Variants in PTPRG observed in about 807,000 individuals in gnomAD.
PTPRG encodes protein tyrosine phosphatase receptor type G, also known as receptor-type tyrosine-protein phosphatase gamma.
A neutral mutation model predicts 165.3 loss-of-function variants in PTPRG; 102 were observed. That is an observed-to-expected ratio of 0.62 (90% CI 0.53 to 0.73). PTPRG has a LOEUF of 0.73. PTPRG is among the 30% of genes least tolerant of loss of function. The pLI, the probability that PTPRG is intolerant of heterozygous loss-of-function variation, is 0.00. For missense variants in PTPRG, 1,866 were observed against 1,861.4 expected (o/e 1.00, Z -0.05); for synonymous variants, 675 against 669.5 (o/e 1.01, Z -0.13).
At chr3:61,691,070 A>C (rs890446120) in intron 1 of PTPRG, among the ~76,000 whole-genome samples, 1 of 152,004 alleles carries the variant, frequency 6.6e-6, no homozygotes, top group Non-Finnish European at 1.5e-5. Flanking sequence ...GTGTAAGTCT[A>C]TGTATATATG....
intron 1 of PTPRG, among the ~76,000 whole-genome samples, chr3:61,594,889 C>T (rs1431247563): frequency 6.6e-6 from 1 of 152,112 alleles, no homozygotes; most frequent in African/African-American, 2.4e-5. Context: ...ATAAAATTGG[C>T]CTGATCTAAG....
chr3:61,728,853 A>T (rs2106824574), intron 1 of PTPRG, among the ~76,000 whole-genome samples: 1 of 147,776 alleles, frequency 6.8e-6, no homozygotes, highest in South Asian at 2.2e-4. Flanking sequence ...TCTGCGCATC[A>T]CAGTGAGACC....
chr3:62,243,411 G>A (rs1701209410), intron 14 of PTPRG, among the ~76,000 whole-genome samples: 1 of 152,108 alleles, frequency 6.6e-6, no homozygotes, highest in Non-Finnish European at 1.5e-5. Context: ...GGGATATAAG[G>A]TGTGGTTTTG....
intron 2 of PTPRG, among the ~76,000 whole-genome samples, chr3:61,765,703 C>T (rs1465586031): frequency 6.6e-6 from 1 of 152,128 alleles, no homozygotes; most frequent in Non-Finnish European, 1.5e-5. Context: ...AGTGTCAGCA[C>T]CTTAATATTT....
intron 1 of PTPRG, among the ~76,000 whole-genome samples, chr3:61,622,392 G>A (rs1252132209): frequency 6.6e-6 from 1 of 151,890 alleles, no homozygotes; most frequent in Non-Finnish European, 1.5e-5. Flanking sequence ...AACAGAAGTT[G>A]GTACATTTCT....
chr3:62,226,659 T>C (rs537019197), intron 13 of PTPRG, among the ~76,000 whole-genome samples: 1 of 152,188 alleles, frequency 6.6e-6, no homozygotes, highest in Non-Finnish European at 1.5e-5. Flanking sequence ...TAACTGCAGA[T>C]TCTGGAACAG....
At chr3:61,976,258 C>T (rs2040503021) in intron 2 of PTPRG, among the ~76,000 whole-genome samples, 1 of 152,186 alleles carries the variant, frequency 6.6e-6, no homozygotes, top group Non-Finnish European at 1.5e-5. Flanking sequence ...AGAGTTCTAT[C>T]TTTAGCCCTG....
At chr3:62,019,723 A>G (rs753784218) in intron 4 of PTPRG, among the ~76,000 whole-genome samples, 2 of 152,138 alleles carry the variant, frequency 1.3e-5, no homozygotes, top group Non-Finnish European at 2.9e-5. Context: ...TCATTCCACA[A>G]TATATTTTGA....
intron 2 of PTPRG, among the ~76,000 whole-genome samples, chr3:61,945,702 A>G (rs1474669488): frequency 6.6e-6 from 1 of 152,184 alleles, no homozygotes; most frequent in Non-Finnish European, 1.5e-5. Flanking sequence ...GCAAACATAA[A>G]TATGTCATCT....
At chr3:62,034,418 C>G (rs916040266) in intron 4 of PTPRG, among the ~76,000 whole-genome samples, 20 of 152,174 alleles carry the variant, frequency 1.3e-4, no homozygotes, top group African/African-American at 4.8e-4. Context: ...TTGGGTCACT[C>G]AGCTAGTAAG....
intron 2 of PTPRG, among the ~76,000 whole-genome samples, chr3:61,835,444 C>G (rs1482842416): frequency 6.6e-6 from 1 of 152,110 alleles, no homozygotes; most frequent in Admixed American, 6.5e-5. Context: ...AGCGATTCTC[C>G]TGCCTCAGCC....
intron 2 of PTPRG, among the ~76,000 whole-genome samples, chr3:61,818,328 T>G (rs2035849228): frequency 6.6e-6 from 1 of 151,960 alleles, no homozygotes; most frequent in Non-Finnish European, 1.5e-5. Context: ...TTAGAGAAAC[T>G]CAGAAATGCC....
chr3:61,563,074 C>G (rs987092677), intron 1 of PTPRG, among the ~76,000 whole-genome samples: 38 of 151,716 alleles, frequency 2.5e-4, no homozygotes, highest in East Asian at 9.9e-4. Flanking sequence ...AGCCCCGGCC[C>G]GTGGCCCTTT....
intron 1 of PTPRG, among the ~76,000 whole-genome samples, chr3:61,600,697 G>A (rs1700839500): frequency 6.6e-6 from 1 of 151,972 alleles, no homozygotes; most frequent in African/African-American, 2.4e-5. Flanking sequence ...GCACTACCAT[G>A]CCTGGCTCAT....
chr3:61,887,159 TATATATA>T (rs2038070672), intron 2 of PTPRG, among the ~76,000 whole-genome samples: 1 of 91,002 alleles, frequency 1.1e-5, no homozygotes, highest in African/African-American at 3.2e-5. Flanking sequence ...TATATATATA[TATATATA>T]TATATTTTTA....
chr3:61,926,845 C>T (rs2039225929), intron 2 of PTPRG, among the ~76,000 whole-genome samples: 1 of 151,028 alleles, frequency 6.6e-6, no homozygotes, highest in Non-Finnish European at 1.5e-5. Flanking sequence ...TTTTTGCCTC[C>T]AGCAAGTTCT....
At chr3:62,093,059 A>G (rs1053004005) in intron 5 of PTPRG, among the ~76,000 whole-genome samples, 5 of 152,232 alleles carry the variant, frequency 3.3e-5, no homozygotes, top group African/African-American at 9.6e-5. Context: ...ACCGATGCTC[A>G]GGTTCCACCC....
intron 2 of PTPRG, among the ~76,000 whole-genome samples, chr3:61,850,479 A>G (rs1466055770): frequency 1.3e-5 from 2 of 152,192 alleles, no homozygotes; most frequent in Non-Finnish European, 2.9e-5. Context: ...TATATTTTTA[A>G]ACATAGAAGG....
At chr3:61,951,400 C>T (rs112452499) in intron 2 of PTPRG, among the ~76,000 whole-genome samples, 12 of 152,264 alleles carry the variant, frequency 7.9e-5, no homozygotes, top group African/African-American at 2.9e-4. Context: ...TTTCTTTGAC[C>T]TCTGGTAGAC....
Sources: gnomAD v4.1 joint callset for allele counts (sites outside exome capture counted in the v4.1 genomes callset) on GRCh38, gnomAD v4.1.1 for gene constraint, MANE v1.5 for transcripts, NCBI Gene and HGNC (gene_info 2026-07-23, HGNC 2026-07-21) for gene names.